TDRKH: variants seen among roughly 807,000 people sequenced by gnomAD.
TDRKH encodes tudor and KH domain-containing protein.
In TDRKH, 28 loss-of-function variants were observed where a neutral mutation model predicts 61.3. That is an observed-to-expected ratio of 0.46 (90% CI 0.34 to 0.63). TDRKH has a LOEUF of 0.63. Among genes scored for constraint, TDRKH ranks in the 20% least tolerant of loss-of-function variants. The probability of loss-of-function intolerance (pLI) is 0.01; values close to 1 mark genes in which losing one functional copy is unlikely to be tolerated. For missense variants in TDRKH, 540 were observed against 683.4 expected, an observed-to-expected ratio of 0.79 and a Z score of 2.34; for synonymous variants, 219 against 244.4, an observed-to-expected ratio of 0.90 and a Z score of 0.97.
chr1:151,787,199 C>A (rs982028275), intron 1 of TDRKH, among the ~76,000 whole-genome samples: 1 of 151,942 alleles, frequency 6.6e-6, no homozygotes, highest in Non-Finnish European at 1.5e-5. Flanking sequence ...AATTTGACTT[C>A]TTTTGTCCCC....
At chr1:151,776,733 G>T in intron 6 of TDRKH, 134 bp from the exon 7 acceptor site, 1 of 968,160 alleles carries the variant, frequency 1.0e-6, no homozygotes, top group Non-Finnish European at 1.5e-6. Context: ...GCAACTGGAT[G>T]AATCAAACAA....
chr1:151,781,757 C>T (rs1649841547), intron 2 of TDRKH, among the ~76,000 whole-genome samples, 170 bp from the exon 3 acceptor site: 1 of 152,146 alleles, frequency 6.6e-6, no homozygotes, highest in South Asian at 2.1e-4. Flanking sequence ...ATTAGAAGGT[C>T]CCAAAGGATC....
At chr1:151,780,164 A>G in intron 3 of TDRKH, 24 bp from the exon 4 acceptor site, 6 of 1,601,210 alleles carry the variant, frequency 3.7e-6, no homozygotes, top group Non-Finnish European at 3.4e-6. Flanking sequence ...GACATTTGGC[A>G]GTACATTCTG....
chr1:151,782,447 A>G (rs1472421903), intron 2 of TDRKH, among the ~76,000 whole-genome samples: 1 of 133,402 alleles, frequency 7.5e-6, no homozygotes, highest in East Asian at 2.2e-4. Context: ...ACTCTGTCTC[A>G]AAGAAAAAAA....
downstream of TDRKH, among the ~76,000 whole-genome samples, chr1:151,769,880 C>T (rs1285520246): frequency 6.6e-6 from 1 of 152,206 alleles, no homozygotes; most frequent in Non-Finnish European, 1.5e-5. Context: ...GGAGACCAGC[C>T]CGGCCAACAC....
At chr1:151,782,725 G>A in intron 2 of TDRKH, 174 bp downstream of exon 2, 1 of 674,754 alleles carries the variant, frequency 1.5e-6, no homozygotes, top group Non-Finnish European at 2.2e-6. Flanking sequence ...AGCCAAGATT[G>A]TGCCACTGTA....
rs1649973380 is a variant in TDRKH, at chr1:151,782,922, T to C, written c.101A>G (p.Tyr34Cys). ...PASATVAYILYRRYRESREER... is the reference protein window; with the variant it reads ...PASATVAYILCRRYRESREER... ...ACCTCTGCTTTCCCTATACCTGCGG[T>C]ATAGGATATAGGCAACTGTTGCACT... The change falls in exon 2 of 13, where the codon TAC becomes TGC. Residue 34 changes from tyrosine to cysteine, a missense_variant. Tyr to Cys is a radical substitution (Grantham distance 194). This residue lies in a region of TDRKH where 156 missense variants were observed against 218.0 expected (regional missense o/e 0.72). Transcript: ENST00000368824. 1.9e-6 allele frequency: 3 copies of C among 1,612,636 alleles called. No homozygotes were observed. The highest frequency in any genetic ancestry group is 2.5e-6 in the Non-Finnish European group (3 of 1,179,454).
chr1:151,789,855 CCTTT>C (rs1402539512), intron 1 of TDRKH, among the ~76,000 whole-genome samples: 3 of 152,088 alleles, frequency 2.0e-5, no homozygotes, highest in Non-Finnish European at 2.9e-5. Context: ...AGTGTCAACC[CCTTT>C]CTCTCAAAAC....
downstream of TDRKH, chr1:151,766,832 C>T (rs2101552410): frequency 6.2e-7 from 1 of 1,611,460 alleles, no homozygotes; most frequent in Non-Finnish European, 8.5e-7. Context: ...ATTACCTTTA[C>T]TGTTACAAGT....
At chr1:151,766,667 T>C, downstream of TDRKH, 1 of 1,549,400 alleles carries the variant, frequency 6.5e-7, no homozygotes, top group South Asian at 1.2e-5. Context: ...TGCCTAAACC[T>C]CTGCCACCCA....
Position 151,774,702 on chromosome 1 carries a change from G to A in TDRKH, c.1633+8C>T, listed in dbSNP as rs1275193414. The A allele has an allele frequency of 4.3e-6, 7 of 1,613,836 alleles. No individual in the cohort carries two copies. The highest frequency in any genetic ancestry group is 5.9e-6 in the Non-Finnish European group (7 of 1,179,762). ...AAAGATGCTCTAGGGAGGAAATACT[G>A]CTTGTACCTGATAAGCTGAGGCAGG... On this transcript the variant is annotated splice_region_variant and intron_variant, in intron 12 of 12. Transcript: ENST00000368824.
In TDRKH at chr1:151,781,328, A is replaced by AAAAAATATATATATATATATAT. The variant is rs1491536697; in HGVS notation, c.231+152_231+153insATATATATATATATATATTTTT. Among the ~76,000 whole-genome samples, 11 of 68,590 alleles carry AAAAAATATATATATATATATAT rather than the reference A, an allele frequency of 1.6e-4. 1 individual carries two copies. The highest frequency in any genetic ancestry group is 6.9e-4 in the Admixed American group (5 of 7,208). The allele number at this position is 68,590 out of a possible 152,430, so 45.0% of individuals were successfully genotyped here. On this transcript the variant is annotated intron_variant, in intron 3 of 12. Transcript: ENST00000368824. ...GCGAAACTCCATCTCAAAAAAAAAA[A>AAAAAATATATATATATATATAT]ATATATATATATATATTTTATATAT...
At position 151,779,704 on chromosome 1, in the gene TDRKH, G is replaced by A. The variant is rs1649560709; in HGVS notation, c.421+247C>T. 3 of 440,350 alleles carry A rather than the reference G, an allele frequency of 6.8e-6. No individual in the cohort carries two copies. In the South Asian group the frequency reaches 1.6e-4, roughly 23 times the overall value. The allele number at this position is 440,350 out of a possible 1,614,324, so 27.3% of individuals were successfully genotyped here. On this transcript the variant is annotated intron_variant, in intron 4 of 12. Transcript: ENST00000368824. ...CTTCCCTTTAAAAATCAATTATAAG[G>A]TAAATATAATACATCTACTAGAACC...
downstream of TDRKH, chr1:151,768,216 T>C: frequency 6.2e-7 from 1 of 1,612,660 alleles, no homozygotes; most frequent in Non-Finnish European, 8.5e-7. Context: ...AGGCCTTGGA[T>C]CAAGGCAACC....
At position 151,774,274 on chromosome 1, in the gene TDRKH, A is replaced by G; in HGVS notation, c.*178T>C. On this transcript the variant is annotated 3_prime_UTR_variant, in exon 13 of 13. Transcript: ENST00000368824. ...AAAAAGCTTGAAAGTGCTCAATCTG[A>G]GAGCAAGTTAAGCTGCAGGAAAGCA... is the stretch of plus-strand genomic sequence containing the variant. 1 of 631,300 alleles carries G rather than the reference A, an allele frequency of 1.6e-6. No homozygotes were observed. The highest frequency in any genetic ancestry group is 2.7e-6 in the Non-Finnish European group (1 of 367,970). 39.1% of individuals were successfully genotyped at this position (631,300 alleles called of 1,614,324 possible).
At chr1:151,787,802 T>C (rs1572015748) in intron 1 of TDRKH, among the ~76,000 whole-genome samples, 2 of 118,538 alleles carry the variant, frequency 1.7e-5, no homozygotes, top group African/African-American at 7.0e-5. Context: ...TGAGACTCTG[T>C]TTCTACAAAA....
downstream of TDRKH, chr1:151,770,995 CTAGTGG>C: frequency 6.7e-7 from 1 of 1,500,456 alleles, no homozygotes; most frequent in Non-Finnish European, 8.9e-7. Context: ...GGGCCACTCC[CTAGTGG>C]AAGAAATCAA....
downstream of TDRKH, chr1:151,770,053 G>C (rs1048996457): frequency 6.5e-7 from 1 of 1,543,836 alleles, no homozygotes; most frequent in Non-Finnish European, 8.9e-7. Flanking sequence ...CACAACTTTG[G>C]TGGCATCAGA....
At position 151,776,119 on chromosome 1, in the gene TDRKH, TG is replaced by T. The variant is rs1268439133; in HGVS notation, c.1193del (p.Pro398HisfsTer2). The T allele has an allele frequency of 1.2e-6, 2 of 1,613,894 alleles. No individual in the cohort carries two copies. Among genetic ancestry groups the T allele is most frequent in the Non-Finnish European group, 1.7e-6 (2 of 1,179,910 alleles). ...ACCTGAGAGCCCTGAGGTCCTTCAG[TG>T]GGCAATCTCCATTATCTCCAAAGTC... The part of the protein sequence containing the change: ...FVDFGDNGDC[P>X]LKDLRALRSD... On this transcript the variant is annotated frameshift_variant, in exon 8 of 13. Transcript: ENST00000368824. LOFTEE classifies it high-confidence loss of function.
Sources: gnomAD v4.1 joint callset for allele counts (sites outside exome capture counted in the v4.1 genomes callset) on GRCh38, gnomAD v4.1.1 for gene constraint, gnomAD v4.1.1 regional missense constraint, MANE v1.5 for transcripts, NCBI Gene and HGNC (gene_info 2026-07-23, HGNC 2026-07-21) for gene names.